Variants in DPF3 observed in about 807,000 individuals in gnomAD.
DPF3 encodes the protein double PHD fingers 3, also known as zinc finger protein DPF3.
A neutral mutation model predicts 56.8 loss-of-function variants in DPF3; 18 were observed. That is an observed-to-expected ratio of 0.32 (90% CI 0.22 to 0.47). The LOEUF is 0.47. Ranked by LOEUF, DPF3 falls within the 20% of genes least tolerant of loss-of-function variation. The pLI is 1.00. For synonymous variants in DPF3, 188 were observed against 180.2 expected, an observed-to-expected ratio of 1.04 and a Z score of -0.35; for missense variants, 403 against 488.8, an observed-to-expected ratio of 0.82 and a Z score of 1.65.
In DPF3 at chr14:72,618,652, C is replaced by G. The variant is rs1414100787; in HGVS notation, c.*645G>C. On this transcript the variant is annotated 3_prime_UTR_variant, in exon 11 of 11. Coordinates refer to ENST00000556509, the MANE Select transcript of DPF3 (RefSeq NM_001280542.3). Reference sequence around the variant, plus strand: ...TGTCTCTGCGCGTCTCCCTCCCTCCCCGCCCCCATCTAGTAACTTTAAGCA... The same window carrying G: ...TGTCTCTGCGCGTCTCCCTCCCTCCGCGCCCCCATCTAGTAACTTTAAGCA... Among the ~76,000 whole-genome samples, 1 of 152,188 alleles carries G rather than the reference C, an allele frequency of 6.6e-6. No homozygotes were observed. Among genetic ancestry groups the G allele is most frequent in the African/African-American group, 2.4e-5 (1 of 41,446 alleles).
intron 1 of DPF3, among the ~76,000 whole-genome samples, chr14:72,893,019 GGAAGGAT>G (rs1886833737): frequency 1.4e-5 from 2 of 142,488 alleles, no homozygotes; most frequent in East Asian, 2.0e-4. Context: ...AAGGAAGGAA[GGAAGGAT>G]GAAAAGGAGG....
chr14:72,824,864 G>C (rs930168051), intron 1 of DPF3, among the ~76,000 whole-genome samples: 5 of 151,768 alleles, frequency 3.3e-5, no homozygotes, highest in African/African-American at 1.2e-4. Flanking sequence ...GAGCTACCAC[G>C]ACCAGCCTAC....
chr14:72,887,730 C>A (rs1886602855), intron 1 of DPF3, among the ~76,000 whole-genome samples: 1 of 152,172 alleles, frequency 6.6e-6, no homozygotes, highest in African/African-American at 2.4e-5. Flanking sequence ...TTGCCTGTAG[C>A]TCTGGAAGCG....
At chr14:72,725,026 T>G (rs765247) in intron 4 of DPF3, among the ~76,000 whole-genome samples, 140,009 of 151,994 alleles carry the variant, frequency 0.92, 64,505 homozygotes, top group East Asian at 0.98. Flanking sequence ...CACCTGGGGG[T>G]TTCTTTATGG....
At chr14:72,849,935 T>C (rs926907235) in intron 1 of DPF3, among the ~76,000 whole-genome samples, 5 of 152,126 alleles carry the variant, frequency 3.3e-5, no homozygotes, top group African/African-American at 1.2e-4. Context: ...CTGACCAACA[T>C]GGTGAAACCA....
intron 1 of DPF3, among the ~76,000 whole-genome samples, chr14:72,885,646 T>G (rs762340990): frequency 1.3e-4 from 19 of 151,958 alleles, no homozygotes; most frequent in Non-Finnish European, 2.4e-4. Context: ...CAAGGGATCC[T>G]CCTGCCTCAG....
At chr14:72,746,321 C>T (rs1890321520) in intron 3 of DPF3, among the ~76,000 whole-genome samples, 1 of 152,244 alleles carries the variant, frequency 6.6e-6, no homozygotes, top group Non-Finnish European at 1.5e-5. Flanking sequence ...CTCGTTACCA[C>T]TGACTCCAGG....
intron 1 of DPF3, among the ~76,000 whole-genome samples, chr14:72,861,311 G>A (rs1270679420): frequency 1.3e-5 from 2 of 151,998 alleles, no homozygotes; most frequent in Non-Finnish European, 2.9e-5. Flanking sequence ...TTCCTCCACT[G>A]GATAACTTGC....
At chr14:72,692,125 G>A (rs575485863) in intron 7 of DPF3, among the ~76,000 whole-genome samples, 11 of 152,296 alleles carry the variant, frequency 7.2e-5, no homozygotes, top group African/African-American at 2.6e-4. Context: ...TGGCTAACAC[G>A]CATCCTCTAA....
chr14:72,861,201 G>C (rs1885393099), intron 1 of DPF3, among the ~76,000 whole-genome samples: 1 of 151,906 alleles, frequency 6.6e-6, no homozygotes, highest in Non-Finnish European at 1.5e-5. Context: ...TGTATGTACT[G>C]GTGAATATAT....
At chr14:72,893,349 G>A (rs1170475981) in intron 1 of DPF3, among the ~76,000 whole-genome samples, 1 of 152,138 alleles carries the variant, frequency 6.6e-6, no homozygotes. Flanking sequence ...AAGCCAGCTC[G>A]CTCGCAAATA....
chr14:72,758,971 TATA>T (rs1439325298), intron 2 of DPF3, among the ~76,000 whole-genome samples: 2 of 152,144 alleles, frequency 1.3e-5, no homozygotes, highest in Non-Finnish European at 2.9e-5. Flanking sequence ...AAATATGACT[TATA>T]ATAAGGAGAA....
chr14:72,786,662 T>C (rs899808795), intron 1 of DPF3, among the ~76,000 whole-genome samples: 2 of 152,140 alleles, frequency 1.3e-5, no homozygotes, highest in African/African-American at 4.8e-5. Flanking sequence ...ACCCTCAGAA[T>C]ACAAAATAAT....
At chr14:72,724,424 A>G (rs1889310005) in intron 4 of DPF3, among the ~76,000 whole-genome samples, 1 of 152,064 alleles carries the variant, frequency 6.6e-6, no homozygotes, top group South Asian at 2.1e-4. Flanking sequence ...TCATCCAGTG[A>G]AGCCATGACC....
At chr14:72,798,612 G>A (rs763839994) in intron 1 of DPF3, among the ~76,000 whole-genome samples, 30 of 152,236 alleles carry the variant, frequency 2.0e-4, no homozygotes, top group Non-Finnish European at 3.7e-4. Flanking sequence ...AGAACTCGGG[G>A]TCCCTAGTTG....
rs1233184991 is a variant in DPF3 at position 72,771,821 on chromosome 14, G to T, written c.105C>A (p.Arg35=). Residue 35 remains arginine (R), a synonymous_variant, in exon 2 of 11, where the codon CGC becomes CGA. Transcript: ENST00000556509. ...AGTCCAGGAAGGGAAGACGCACGCTGCGCTCTGCACACAGCCGTGAGTTGT... is the reference window on the plus strand; with the variant it reads ...AGTCCAGGAAGGGAAGACGCACGCTTCGCTCTGCACACAGCCGTGAGTTGT... ...RSYNSRLCAE[R]SVRLPFLDSQ... is the part of the protein sequence containing the mutation. 3 of 1,613,858 alleles carry T rather than the reference G, an allele frequency of 1.9e-6. No homozygotes were observed. The South Asian group carries it at 3.3e-5, about 18-fold the overall frequency.
At chr14:72,636,900 T>C (rs1201356556) in intron 8 of DPF3, among the ~76,000 whole-genome samples, 1 of 152,078 alleles carries the variant, frequency 6.6e-6, no homozygotes, top group Non-Finnish European at 1.5e-5. Context: ...CAAACAAAAA[T>C]GCATTAAAAA....
chr14:72,723,205 G>C (rs1394451264), intron 5 of DPF3, among the ~76,000 whole-genome samples: 2 of 147,178 alleles, frequency 1.4e-5, no homozygotes, highest in Admixed American at 6.9e-5. Context: ...TCTCACAACA[G>C]GCCCCAGTGT....
intron 1 of DPF3, among the ~76,000 whole-genome samples, chr14:72,791,125 C>A (rs1403252848): frequency 6.6e-6 from 1 of 152,196 alleles, no homozygotes; most frequent in East Asian, 1.9e-4. Context: ...GGTGACCTTC[C>A]CCACTCCCCC....
Sources: gnomAD v4.1 joint callset for allele counts (sites outside exome capture counted in the v4.1 genomes callset) on GRCh38, gnomAD v4.1.1 for gene constraint, MANE v1.5 for transcripts, NCBI Gene and HGNC (gene_info 2026-07-23, HGNC 2026-07-21) for gene names.